The following SYNPO variants were observed in gnomAD, a reference collection of about 807,000 sequenced individuals.
SYNPO encodes the protein synaptopodin.
In SYNPO, 19 loss-of-function variants were observed where a neutral mutation model predicts 49.5. The ratio of observed to expected loss-of-function variants is 0.38; its 90% CI spans 0.27 to 0.56. SYNPO has a LOEUF of 0.56. SYNPO is among the 20% of genes least tolerant of loss of function. The pLI is 0.68. For synonymous variants in SYNPO, 536 were observed against 548.0 expected (o/e 0.98, Z 0.31); for missense variants, 1,131 against 1,248.3 (o/e 0.91, Z 1.42).
rs557250508 is a variant in SYNPO, at chr5:150,657,289, A to T, written c.*202A>T. On this transcript the variant is annotated 3_prime_UTR_variant, in exon 3 of 3. Coordinates refer to ENST00000307662, the MANE Select transcript of SYNPO (RefSeq NM_007286.6). Reference sequence around the variant, plus strand: ...ATTCAGCTGTTGTGTGACCCTGGGTAAGACCCTTCCTTGTTTGACCCTCAG... The same window carrying T: ...ATTCAGCTGTTGTGTGACCCTGGGTTAGACCCTTCCTTGTTTGACCCTCAG... 4.0e-4 allele frequency: 250 copies of T among 620,950 alleles called. 1 individual carries two copies. Among genetic ancestry groups the T allele is most frequent in the South Asian group, 3.5e-3 (160 of 45,508 alleles). The allele number at this position is 620,950 out of a possible 1,614,324, so 38.5% of individuals were successfully genotyped here.
upstream of SYNPO, among the ~76,000 whole-genome samples, chr5:150,600,598 G>C (rs58770642): frequency 3.3e-5 from 5 of 152,136 alleles, no homozygotes; most frequent in African/African-American, 9.7e-5. Context: ...GGATCTGGCT[G>C]GGGGGTTAAG....
At chr5:150,618,874 A>C in intron 2 of SYNPO, 1 of 1,378,522 alleles carries the variant, frequency 7.3e-7, no homozygotes. Context: ...ACAGTAATTC[A>C]TCACAGTCCC....
At chr5:150,618,886 T>C (rs989600608) in intron 2 of SYNPO, 5 of 1,287,468 alleles carry the variant, frequency 3.9e-6, no homozygotes, top group Admixed American at 2.2e-5. Context: ...CACAGTCCCA[T>C]GGGCATGCCC....
the SYNPO span, among the ~76,000 whole-genome samples, chr5:150,586,101 C>A: frequency 6.6e-6 from 1 of 152,244 alleles, no homozygotes; most frequent in South Asian, 2.1e-4. Context: ...CAGCTGCAAG[C>A]CAGCATGCAG....
chr5:150,632,287 T>G (rs1038338021), intron 2 of SYNPO, among the ~76,000 whole-genome samples: 11 of 152,226 alleles, frequency 7.2e-5, no homozygotes, highest in Admixed American at 2.0e-4. Flanking sequence ...TGAATTACAA[T>G]CTGCATTTTG....
chr5:150,607,991 A>G (rs1756740793), intron 1 of SYNPO, among the ~76,000 whole-genome samples: 1 of 152,276 alleles, frequency 6.6e-6, no homozygotes, highest in African/African-American at 2.4e-5. Flanking sequence ...CCACATTTCA[A>G]GTGCTCAGTA....
chr5:150,630,189 C>T (rs1757490995), intron 2 of SYNPO, among the ~76,000 whole-genome samples: 1 of 152,160 alleles, frequency 6.6e-6, no homozygotes, highest in Non-Finnish European at 1.5e-5. Flanking sequence ...CTGCCATGGC[C>T]TGATGAGTGG....
chr5:150,626,114 G>A (rs1044787087), intron 2 of SYNPO, among the ~76,000 whole-genome samples: 1 of 144,918 alleles, frequency 6.9e-6, no homozygotes. Context: ...CTGGGGCAAG[G>A]GGTTGGAAGC....
At chr5:150,652,412 G>A in intron 2 of SYNPO, 1 of 986,180 alleles carries the variant, frequency 1.0e-6, no homozygotes, top group Middle Eastern at 5.2e-4. Flanking sequence ...TCTAGCCTGG[G>A]AAGTGGAGTG....
the SYNPO span, among the ~76,000 whole-genome samples, chr5:150,586,526 G>A: frequency 6.6e-6 from 1 of 152,198 alleles, no homozygotes; most frequent in Non-Finnish European, 1.5e-5. Context: ...TGCTGGGTAG[G>A]TAGGTGGATA....
chr5:150,586,119 A>G, the SYNPO span, among the ~76,000 whole-genome samples: 4 of 152,366 alleles, frequency 2.6e-5, no homozygotes, highest in East Asian at 7.7e-4. Context: ...CAGGACTGGC[A>G]GAGGTGAGTG....
Position 150,649,978 on chromosome 5 carries a change from G to A in SYNPO, c.1703G>A (p.Arg568His), listed in dbSNP as rs1264912311. The A allele has an allele frequency of 9.3e-6, 15 of 1,612,624 alleles. No homozygotes were observed. The highest frequency in any genetic ancestry group is 4.0e-5 in the African/African-American group (3 of 74,910). The change falls in exon 2 of 3, where the codon CGC becomes CAC. Residue 568 changes from arginine to histidine, a missense_variant. Arg to His is a conservative substitution (Grantham distance 29). Around this residue, in one of 4 missense-constraint regions of SYNPO, gnomAD observed 602 missense variants for 720.7 expected, o/e 0.84. Transcript: ENST00000307662. Reference protein sequence around the residue: ...EPTKQPPYQLRPSLFVLSPIK... With the variant: ...EPTKQPPYQLHPSLFVLSPIK... The stretch of plus-strand genomic sequence containing the variant: ...ACCAAGCAGCCGCCATACCAGCTGC[G>A]CCCCTCGCTCTTTGTCCTCTCACCT...
intron 1 of SYNPO, among the ~76,000 whole-genome samples, chr5:150,642,775 C>T (rs569194734): frequency 2.0e-5 from 3 of 152,324 alleles, no homozygotes; most frequent in Non-Finnish European, 2.9e-5. Flanking sequence ...GGCTGGAGTG[C>T]GGGCTGCAGG....
intron 2 of SYNPO, among the ~76,000 whole-genome samples, chr5:150,630,353 C>T (rs188023434): frequency 7.2e-5 from 11 of 152,314 alleles, no homozygotes; most frequent in Non-Finnish European, 1.2e-4. Context: ...GCAGAGGACA[C>T]GCTTCATCCC....
In SYNPO at chr5:150,651,582, G is replaced by A. The variant is rs556712148; in HGVS notation, c.2028+1279G>A. The A allele has an allele frequency of 9.0e-6, 9 of 1,003,276 alleles. No homozygotes were observed. The East Asian group carries it at 1.0e-3, about 113-fold the overall frequency. 62.1% of individuals were successfully genotyped at this position (1,003,276 alleles called of 1,614,324 possible). A position where few individuals can be genotyped will look rare whatever the true frequency, so the allele number is the denominator to read the frequency against. On this transcript the variant is annotated intron_variant, in intron 2 of 2. Transcript: ENST00000307662. ...AATGAGCTGCTGCAGGAGGCCAAGGGATGCCTGGGCTGGGCTGGGCTGGGC... is the reference window on the plus strand; with the variant it reads ...AATGAGCTGCTGCAGGAGGCCAAGGAATGCCTGGGCTGGGCTGGGCTGGGC...
chr5:150,593,377 T>C, the SYNPO span, among the ~76,000 whole-genome samples: 2 of 152,214 alleles, frequency 1.3e-5, no homozygotes, highest in African/African-American at 4.8e-5. Context: ...ACGCAGTCCC[T>C]TATTTGTTGT....
upstream of SYNPO, among the ~76,000 whole-genome samples, chr5:150,598,240 A>G (rs1027112232): frequency 2.2e-4 from 33 of 152,132 alleles, no homozygotes; most frequent in African/African-American, 8.0e-4. Flanking sequence ...ACGAATGCCA[A>G]TTCAGAACAA....
intron 1 of SYNPO, among the ~76,000 whole-genome samples, chr5:150,609,665 T>G (rs1348301682): frequency 6.6e-6 from 1 of 151,944 alleles, no homozygotes; most frequent in East Asian, 1.9e-4. Flanking sequence ...CCCCAATGTA[T>G]GCAACAGATA....
chr5:150,649,126 C>T lies in SYNPO; in HGVS notation c.851C>T (p.Pro284Leu), dbSNP rs1758239807. Residue 284 changes from proline to leucine, a missense_variant, in exon 2 of 3, where the codon CCA (proline) becomes CTA (leucine). Pro to Leu is a moderately conservative substitution (Grantham distance 98). This residue lies in a region of SYNPO where 602 missense variants were observed against 720.7 expected (regional missense o/e 0.84). Coordinates refer to ENST00000307662, the MANE Select transcript of SYNPO (RefSeq NM_007286.6). The stretch of plus-strand genomic sequence containing the variant: ...AGTTTGCCAGACAGGAGCCCCCGGC[C>T]ACAGAGACACATAATGTCCCGCAGC... ...PPSLPDRSPR[P>L]QRHIMSRSPM... 4 of 1,614,112 alleles carry T rather than the reference C, an allele frequency of 2.5e-6. No homozygotes were observed. The highest frequency in any genetic ancestry group is 2.2e-5 in the East Asian group (1 of 44,872).
Sources: allele counts gnomAD v4.1 joint callset (sites outside exome capture counted in the v4.1 genomes callset), GRCh38; gene constraint gnomAD v4.1.1; regional missense constraint gnomAD v4.1.1; transcripts MANE v1.5; gene names NCBI Gene and HGNC (gene_info 2026-07-23, HGNC 2026-07-21).